The following BTRC variants were observed in gnomAD, a reference collection of about 807,000 sequenced individuals.
The protein encoded by BTRC is beta-transducin repeat containing E3 ubiquitin protein ligase, also known as F-box/WD repeat-containing protein 1A.
In BTRC, 42 loss-of-function variants were observed where a neutral mutation model predicts 85.5. The ratio of observed to expected loss-of-function variants is 0.49; its 90% CI spans 0.38 to 0.64. BTRC has a LOEUF of 0.64. Ranked by LOEUF, BTRC falls within the 30% of genes least tolerant of loss-of-function variation. The pLI, the probability that BTRC is intolerant of heterozygous loss-of-function variation, is 0.00. For synonymous variants in BTRC, 255 were observed against 263.3 expected, an observed-to-expected ratio of 0.97 and a Z score of 0.30; for missense variants, 594 against 743.5, an observed-to-expected ratio of 0.80 and a Z score of 2.34.
Position 101,430,435 on chromosome 10 carries a change from G to T in BTRC, c.139G>T (p.Ala47Ser). ...ATGCCTGTATAACCCAGGGACTGGC[G>T]CACTCACAGCTTTCCAGGTACTTTC... Reference protein sequence around the residue: ...LRCLYNPGTGALTAFQNSSER... With the variant: ...LRCLYNPGTGSLTAFQNSSER... Residue 47 changes from alanine (A) to serine (S), a missense_variant, in exon 2 of 15, where the codon GCA becomes TCA. Ala to Ser is a moderately conservative substitution (Grantham distance 99). Transcript: ENST00000370187. 1 of 1,613,816 alleles carries T rather than the reference G, an allele frequency of 6.2e-7. No homozygotes were observed. The highest frequency in any genetic ancestry group is 1.3e-5 in the African/African-American group (1 of 75,026).
At chr10:101,532,609 T>A (rs1422344902) in intron 8 of BTRC, among the ~76,000 whole-genome samples, 177 bp downstream of exon 8, 2 of 152,162 alleles carry the variant, frequency 1.3e-5, no homozygotes, top group African/African-American at 4.8e-5. Context: ...GCTTCCCCAC[T>A]ATACAAACGG....
Position 101,507,340 on chromosome 10 carries a change from A to G in BTRC, c.325-14299A>G, listed in dbSNP as rs979776515. On this transcript the variant is annotated intron_variant, in intron 4 of 14. Coordinates refer to ENST00000370187, the MANE Select transcript of BTRC (RefSeq NM_033637.4). ...GGTTTTTACTGTCAGAGTTTCTCCT[A>G]TTATATTTATCTTACAATTTGCCAG... is the stretch of plus-strand genomic sequence containing the variant. Among the ~76,000 whole-genome samples, 6 of 152,194 alleles carry G rather than the reference A, an allele frequency of 3.9e-5. No homozygotes were observed. The South Asian group carries it at 8.3e-4, about 21-fold the overall frequency.
At chr10:101,522,409 C>CTTTT (rs1176651688) in intron 5 of BTRC, among the ~76,000 whole-genome samples, 1,204 of 29,430 alleles carry the variant, frequency 0.041, 390 homozygotes, top group Non-Finnish European at 0.052. Context: ...ATAAAGACTC[C>CTTTT]TTTTTTTTTT....
At chr10:101,394,836 A>G (rs1943323477) in intron 1 of BTRC, among the ~76,000 whole-genome samples, 1 of 152,156 alleles carries the variant, frequency 6.6e-6, no homozygotes, top group Admixed American at 6.5e-5. Flanking sequence ...CAGCAAAAGC[A>G]CAGATTTCTT....
chr10:101,361,138 G>A (rs578134389), intron 1 of BTRC, among the ~76,000 whole-genome samples: 46 of 151,560 alleles, frequency 3.0e-4, no homozygotes, highest in East Asian at 5.8e-4. Context: ...ACGGAGTCTC[G>A]CTCTATTGCC....
intron 3 of BTRC, among the ~76,000 whole-genome samples, chr10:101,478,170 A>G (rs1051530127): frequency 2.6e-5 from 4 of 151,684 alleles, no homozygotes; most frequent in African/African-American, 9.7e-5. Flanking sequence ...GCATGGTGGC[A>G]GGCGCCTGTA....
chr10:101,500,664 G>A (rs1946378258), intron 4 of BTRC, among the ~76,000 whole-genome samples: 1 of 152,198 alleles, frequency 6.6e-6, no homozygotes, highest in African/African-American at 2.4e-5. Flanking sequence ...TAGGGCTTCA[G>A]ATCCTAGTGT....
chr10:101,416,720 G>A (rs549751612), intron 1 of BTRC, among the ~76,000 whole-genome samples: 7 of 152,250 alleles, frequency 4.6e-5, no homozygotes, highest in East Asian at 3.9e-4. Flanking sequence ...AGGAAATGCC[G>A]TAGGGGAAAA....
chr10:101,508,606 A>G (rs1290641209), intron 4 of BTRC, among the ~76,000 whole-genome samples: 1 of 152,136 alleles, frequency 6.6e-6, no homozygotes, highest in Non-Finnish European at 1.5e-5. Flanking sequence ...GATCACTGAG[A>G]GTTATAAAGT....
At chr10:101,457,469 C>T (rs1373978656) in intron 2 of BTRC, among the ~76,000 whole-genome samples, 1 of 152,290 alleles carries the variant, frequency 6.6e-6, no homozygotes, top group East Asian at 1.9e-4. Flanking sequence ...GAAAGGTGCA[C>T]AATTGAAAAC....
intron 2 of BTRC, among the ~76,000 whole-genome samples, chr10:101,437,433 G>A (rs1366437359): frequency 1.3e-5 from 2 of 151,932 alleles, no homozygotes; most frequent in African/African-American, 4.8e-5. Context: ...ACACACACAC[G>A]CCCAAATAAT....
chr10:101,472,416 T>C (rs1035798458), intron 3 of BTRC, among the ~76,000 whole-genome samples: 1 of 152,096 alleles, frequency 6.6e-6, no homozygotes, highest in Non-Finnish European at 1.5e-5. Flanking sequence ...GCAATCCTCC[T>C]GCATTGGCTT....
intron 1 of BTRC, among the ~76,000 whole-genome samples, chr10:101,425,446 A>G (rs779428889): frequency 3.3e-5 from 5 of 152,160 alleles, no homozygotes; most frequent in Non-Finnish European, 5.9e-5. Context: ...ACTGAGCTGA[A>G]GAAACTAATA....
chr10:101,389,039 TC>T (rs1254113292), intron 1 of BTRC, among the ~76,000 whole-genome samples: 1 of 150,612 alleles, frequency 6.6e-6, no homozygotes, highest in Non-Finnish European at 1.5e-5. Context: ...CTCTAACCCA[TC>T]CTTTTACTGT....
In BTRC at chr10:101,366,949, T is replaced by TATATATATATATATTTATATATATTA. The variant is rs1942446994; in HGVS notation, c.48+12731_48+12732insATATTTATATATATTAATATATATAT. Among the ~76,000 whole-genome samples the TATATATATATATATTTATATATATTA allele has an allele frequency of 7.6e-5, 3 of 39,502 alleles. 1 individual carries two copies. Among genetic ancestry groups the TATATATATATATATTTATATATATTA allele is most frequent in the African/African-American group, 2.3e-4 (3 of 12,852 alleles). The allele number at this position is 39,502 out of a possible 152,430, so 25.9% of individuals were successfully genotyped here. A position where few individuals can be genotyped will look rare whatever the true frequency, so the allele number is the denominator to read the frequency against. On this transcript the variant is annotated intron_variant, in intron 1 of 14. Coordinates refer to ENST00000370187, the MANE Select transcript of BTRC (RefSeq NM_033637.4). ...ATATTTATATATATTTATATATATTTATATATATATTTATATAAATATATA... is the reference window on the plus strand; with the variant it reads ...ATATTTATATATATTTATATATATTTATATATATATATATTTATATATATTAATATATATATTTATATAAATATATA...
At chr10:101,362,456 C>T (rs1019829647) in intron 1 of BTRC, among the ~76,000 whole-genome samples, 2 of 151,338 alleles carry the variant, frequency 1.3e-5, no homozygotes, top group African/African-American at 4.9e-5. Flanking sequence ...GGTGCAATGG[C>T]ACAATCTCGG....
At chr10:101,432,347 C>G (rs908995189) in intron 2 of BTRC, among the ~76,000 whole-genome samples, 1 of 151,908 alleles carries the variant, frequency 6.6e-6, no homozygotes, top group Non-Finnish European at 1.5e-5. Context: ...AGGCTGGTAT[C>G]GAACTCCCCA....
chr10:101,495,117 A>G (rs751837147), intron 4 of BTRC, among the ~76,000 whole-genome samples: 11 of 152,202 alleles, frequency 7.2e-5, no homozygotes, highest in Non-Finnish European at 1.5e-4. Context: ...TTCTCCTAAT[A>G]CTGACCTACT....
chr10:101,402,629 A>AT (rs1943519716), intron 1 of BTRC, among the ~76,000 whole-genome samples: 1 of 152,190 alleles, frequency 6.6e-6, no homozygotes, highest in South Asian at 2.1e-4. Context: ...GAATTGTGGA[A>AT]TTTTATTGCT....
Sources: allele counts gnomAD v4.1 joint callset (sites outside exome capture counted in the v4.1 genomes callset), GRCh38; gene constraint gnomAD v4.1.1; transcripts MANE v1.5; gene names NCBI Gene and HGNC (gene_info 2026-07-23, HGNC 2026-07-21).